AKT3: variants seen among roughly 807,000 people sequenced by gnomAD.
AKT3 encodes AKT serine/threonine kinase 3.
AKT3 carries 15 observed loss-of-function variants against 65.3 expected under a neutral mutation model. The ratio of observed to expected loss-of-function variants is 0.23; its 90% CI spans 0.15 to 0.35. The LOEUF (loss-of-function observed/expected upper bound fraction) is 0.35. Ranked by LOEUF, AKT3 falls within the 10% of genes least tolerant of loss-of-function variation. The probability of loss-of-function intolerance (pLI) is 1.00; values close to 1 mark genes in which losing one functional copy is unlikely to be tolerated. For missense variants in AKT3, 243 were observed against 576.5 expected, an observed-to-expected ratio of 0.42 and a Z score of 5.92; for synonymous variants, 206 against 183.8, an observed-to-expected ratio of 1.12 and a Z score of -0.98.
rs60047036 is a variant in AKT3 at position 243,550,958 on chromosome 1, CAAAAAAAAAA to C, written c.1163+1761_1163+1770del. 2.3e-4 allele frequency among the ~76,000 whole-genome samples: 4 copies of C among 17,544 alleles called. No individual in the cohort carries two copies. The Admixed American group carries it at 3.0e-3, about 13-fold the overall frequency. 11.5% of individuals were successfully genotyped at this position (17,544 alleles called of 152,430 possible). On this transcript the variant is annotated intron_variant, in intron 11 of 13. Coordinates refer to ENST00000673466, the MANE Select transcript of AKT3 (RefSeq NM_005465.7). ...CAGACAACAGAGCGAGACTCCCTCT[CAAAAAAAAAA>C]AAAAAAAAAAAAAAAAAAGATAAAA... is the stretch of plus-strand genomic sequence containing the variant.
chr1:243,583,143 A>C (rs892416527), intron 8 of AKT3, among the ~76,000 whole-genome samples: 12 of 141,446 alleles, frequency 8.5e-5, no homozygotes, highest in Admixed American at 1.4e-4. Flanking sequence ...CCATATATAT[A>C]TCTCTCTCTT....
chr1:243,540,377 T>C (rs1284717569), intron 12 of AKT3, among the ~76,000 whole-genome samples: 1 of 152,114 alleles, frequency 6.6e-6, no homozygotes, highest in Admixed American at 6.6e-5. Context: ...AAAGCTTTAA[T>C]AAAATTCAAT....
At chr1:243,696,275 G>A (rs752051609) in intron 2 of AKT3, among the ~76,000 whole-genome samples, 13 of 151,644 alleles carry the variant, frequency 8.6e-5, no homozygotes, top group African/African-American at 9.7e-5. Flanking sequence ...TTAAGAAAAC[G>A]AAAGAACATG....
At chr1:243,567,075 T>A (rs1183983031) in intron 9 of AKT3, among the ~76,000 whole-genome samples, 3 of 151,332 alleles carry the variant, frequency 2.0e-5, no homozygotes, top group Non-Finnish European at 4.4e-5. Flanking sequence ...AGCTCAGGAG[T>A]TCAAGACCAG....
chr1:243,763,636 G>T (rs1689634553), intron 2 of AKT3, among the ~76,000 whole-genome samples: 1 of 151,960 alleles, frequency 6.6e-6, no homozygotes. Context: ...AAATGAAAAC[G>T]ATTAGAACAA....
intron 2 of AKT3, among the ~76,000 whole-genome samples, chr1:243,824,973 T>C (rs1694080469): frequency 6.6e-6 from 1 of 152,208 alleles, no homozygotes; most frequent in Non-Finnish European, 1.5e-5. Flanking sequence ...TGCAGCACTA[T>C]TCCTGATAGC....
chr1:243,534,946 A>C (rs1325810830), intron 12 of AKT3, among the ~76,000 whole-genome samples: 3 of 151,846 alleles, frequency 2.0e-5, no homozygotes, highest in Non-Finnish European at 4.4e-5. Context: ...ATTAAATCCA[A>C]AGTAAGGAGA....
chr1:243,658,745 A>G (rs758246700), intron 4 of AKT3, among the ~76,000 whole-genome samples: 22 of 152,094 alleles, frequency 1.4e-4, no homozygotes, highest in Middle Eastern at 3.2e-3. Flanking sequence ...ATGAATGAAT[A>G]AAGAAAATGT....
chr1:243,696,705 CAGTT>C (rs778536334), intron 2 of AKT3, among the ~76,000 whole-genome samples: 9 of 152,000 alleles, frequency 5.9e-5, no homozygotes, highest in Non-Finnish European at 1.2e-4. Flanking sequence ...CTCCTTATCA[CAGTT>C]AGGTCAATAC....
At chr1:243,834,496 G>A (rs559584331) in intron 2 of AKT3, among the ~76,000 whole-genome samples, 3 of 152,044 alleles carry the variant, frequency 2.0e-5, no homozygotes, top group Non-Finnish European at 4.4e-5. Flanking sequence ...TCAAGAACAC[G>A]CTGAGGGTGT....
chr1:243,796,126 G>A (rs1691989622), intron 2 of AKT3, among the ~76,000 whole-genome samples: 1 of 152,232 alleles, frequency 6.6e-6, no homozygotes, highest in Non-Finnish European at 1.5e-5. Context: ...CCTCTGCAAA[G>A]TCAGTCACTA....
At chr1:243,682,227 C>T (rs753120419) in intron 3 of AKT3, among the ~76,000 whole-genome samples, 2 of 152,066 alleles carry the variant, frequency 1.3e-5, no homozygotes, top group South Asian at 2.1e-4. Context: ...CCTTATCACA[C>T]GCAGGCTGCA....
chr1:243,488,935 C>G, intron 13 of AKT3: 6 of 1,605,400 alleles, frequency 3.7e-6, no homozygotes, highest in Non-Finnish European at 5.1e-6. Flanking sequence ...CAGGGGCTTC[C>G]CTCAGATACA....
chr1:243,754,100 AG>A (rs1688978114), intron 2 of AKT3, among the ~76,000 whole-genome samples: 1 of 152,158 alleles, frequency 6.6e-6, no homozygotes, highest in South Asian at 2.1e-4. Flanking sequence ...CACTCTCAAC[AG>A]GGTACTGGTT....
intron 2 of AKT3, among the ~76,000 whole-genome samples, chr1:243,777,032 G>A (rs1443034194): frequency 1.3e-5 from 2 of 152,122 alleles, no homozygotes; most frequent in Non-Finnish European, 2.9e-5. Flanking sequence ...GTAAAACAAG[G>A]GTTTCCAGGA....
chr1:243,716,646 G>A (rs1413514951), intron 2 of AKT3, among the ~76,000 whole-genome samples: 1 of 152,082 alleles, frequency 6.6e-6, no homozygotes, highest in African/African-American at 2.4e-5. Flanking sequence ...ATCAAGCAAT[G>A]AGAATACCTA....
At chr1:243,614,657 A>AT (rs1237963763) in intron 7 of AKT3, among the ~76,000 whole-genome samples, 1 of 152,178 alleles carries the variant, frequency 6.6e-6, no homozygotes, top group Admixed American at 6.5e-5. Context: ...TATAAAATAT[A>AT]TTCGATAAAC....
chr1:243,730,274 T>C (rs1039434834), intron 2 of AKT3, among the ~76,000 whole-genome samples: 1 of 152,176 alleles, frequency 6.6e-6, no homozygotes, highest in Non-Finnish European at 1.5e-5. Flanking sequence ...GGACTACCCT[T>C]AGGAGCTGCC....
At chr1:243,595,572 ATT>A (rs1204595383) in intron 8 of AKT3, among the ~76,000 whole-genome samples, 1 of 152,186 alleles carries the variant, frequency 6.6e-6, no homozygotes, top group Non-Finnish European at 1.5e-5. Context: ...ATACAAAAAT[ATT>A]GTTTCTTTAC....
Sources: allele counts gnomAD v4.1 joint callset (sites outside exome capture counted in the v4.1 genomes callset), GRCh38; gene constraint gnomAD v4.1.1; transcripts MANE v1.5; gene names NCBI Gene and HGNC (gene_info 2026-07-23, HGNC 2026-07-21).